The following POU2AF1 variants were observed in gnomAD, a reference collection of about 807,000 sequenced individuals.
POU2AF1 encodes POU domain class 2-associating factor 1.
A neutral mutation model predicts 26.3 loss-of-function variants in POU2AF1; 12 were observed. The ratio of observed to expected loss-of-function variants is 0.46; its 90% confidence interval spans 0.29 to 0.74. The LOEUF (loss-of-function observed/expected upper bound fraction) is 0.74. POU2AF1 is among the 30% of genes least tolerant of loss of function. The pLI is 0.09. For missense variants in POU2AF1, 297 were observed against 334.5 expected, an observed-to-expected ratio of 0.89 and a Z score of 0.87; for synonymous variants, 175 against 148.0, an observed-to-expected ratio of 1.18 and a Z score of -1.32.
At chr11:111,370,612 C>T (rs1172148530) in intron 1 of POU2AF1, among the ~76,000 whole-genome samples, 1 of 152,130 alleles carries the variant, frequency 6.6e-6, no homozygotes, top group Non-Finnish European at 1.5e-5. Context: ...CAGATAGCCC[C>T]CCAAAACCGC....
rs780640901 is a variant in POU2AF1, at chr11:111,357,622, C to T, written c.279G>A (p.Pro93=). ...ATGGGGCCAGGGGCTGCAGGGTGGC[C>T]GGGGTGGGCTGGGAGAGCCAGCCGG... is the stretch of plus-strand genomic sequence containing the variant. The part of the protein sequence containing the change: ...LCAGWLSQPT[P]ATLQPLAPWT... The change falls in exon 4 of 5, where the codon CCG becomes CCA. Residue 93 remains proline, a synonymous_variant. Transcript: ENST00000393067. 9.9e-6 allele frequency: 16 copies of T among 1,613,878 alleles called. No individual in the cohort carries two copies. The highest frequency in any genetic ancestry group is 1.7e-4 in the Middle Eastern group (1 of 6,058).
At chr11:111,365,855 C>G (rs1044390367) in intron 1 of POU2AF1, among the ~76,000 whole-genome samples, 8 of 86,700 alleles carry the variant, frequency 9.2e-5, no homozygotes, top group Non-Finnish European at 2.1e-4. Flanking sequence ...GAAACTCCAT[C>G]TCAAAAAAAA....
In POU2AF1 at chr11:111,358,791, C is replaced by T. The variant is rs779921078; in HGVS notation, c.144G>A (p.Thr48=). 6.2e-5 allele frequency: 99 copies of T among 1,590,984 alleles called. No individual in the cohort carries two copies. The highest frequency in any genetic ancestry group is 7.0e-5 in the Non-Finnish European group (82 of 1,172,508). ...HASSGAAPAP[T]AVVLPHQPLA... is the part of the protein sequence containing the mutation. ...TCTCACACACACAAACTCTCACCGC[C>T]GTAGGTGCAGGTGCTGCCCCACTGC... The change falls in exon 2 of 5, where the codon ACG becomes ACA. Residue 48 remains threonine (T), a synonymous_variant. Coordinates refer to ENST00000393067, the MANE Select transcript of POU2AF1 (RefSeq NM_006235.3).
intron 1 of POU2AF1, chr11:111,363,831 A>T: frequency 1.0e-6 from 1 of 985,322 alleles, no homozygotes; most frequent in South Asian, 4.7e-5. Flanking sequence ...AAGCTTTCTC[A>T]CCATTAATCC....
chr11:111,375,556 C>A (rs571720871), intron 1 of POU2AF1, among the ~76,000 whole-genome samples: 28 of 152,002 alleles, frequency 1.8e-4, no homozygotes, highest in Non-Finnish European at 3.5e-4. Context: ...GCCACCACAA[C>A]CCCAGCTAAT....
At chr11:111,367,560 C>G (rs191993958) in intron 1 of POU2AF1, among the ~76,000 whole-genome samples, 1 of 152,314 alleles carries the variant, frequency 6.6e-6, no homozygotes, top group East Asian at 1.9e-4. Context: ...TTCTGCCTCA[C>G]TGCCTGCCTT....
chr11:111,358,399 CACAT>C (rs1265522979), intron 2 of POU2AF1, among the ~76,000 whole-genome samples: 80 of 42,688 alleles, frequency 1.9e-3, no homozygotes, highest in African/African-American at 4.0e-3. Context: ...CTCCCTCACA[CACAT>C]ACTCTCTCAC....
rs1860789053 is a variant in POU2AF1 at position 111,353,993 on chromosome 11, GGGAA to G, written c.*264_*267del. On this transcript the variant is annotated 3_prime_UTR_variant, in exon 5 of 5. Coordinates refer to ENST00000393067, the MANE Select transcript of POU2AF1 (RefSeq NM_006235.3). The stretch of plus-strand genomic sequence containing the variant: ...GGGTTGGAAAGGGAGAAGGGAAGGA[GGGAA>G]GGAAGGGAGGGAGGAAAAGGAAGGA... 1 of 419,416 alleles carries G rather than the reference GGGAA, an allele frequency of 2.4e-6. No individual in the cohort carries two copies. The highest frequency in any genetic ancestry group is 4.2e-6 in the Non-Finnish European group (1 of 239,320). The allele number at this position is 419,416 out of a possible 1,614,324, so 26.0% of individuals were successfully genotyped here.
chr11:111,368,633 GA>G (rs1368155894), intron 1 of POU2AF1, among the ~76,000 whole-genome samples: 2 of 152,180 alleles, frequency 1.3e-5, no homozygotes, highest in African/African-American at 4.8e-5. Context: ...ACTGGGAGAG[GA>G]AGAAGGACCC....
intron 1 of POU2AF1, among the ~76,000 whole-genome samples, chr11:111,360,859 GCTT>G (rs1215414724): frequency 4.6e-5 from 7 of 151,552 alleles, no homozygotes; most frequent in Non-Finnish European, 7.4e-5. Flanking sequence ...CAGGGGAATG[GCTT>G]GAACCTGGGA....
intron 1 of POU2AF1, among the ~76,000 whole-genome samples, chr11:111,361,466 A>G (rs1861006897): frequency 6.6e-6 from 1 of 152,236 alleles, no homozygotes; most frequent in African/African-American, 2.4e-5. Context: ...TCATTTGTAA[A>G]ACGGGAATAA....
At position 111,358,350 on chromosome 11, in the gene POU2AF1, A is replaced by G. The variant is rs35370519; in HGVS notation, c.147+438T>C. ...CTCTCACACACTCTCACACTCTCAC[A>G]CTCACACTCTCACACACTCACACAC... On this transcript the variant is annotated intron_variant, in intron 2 of 4. Coordinates refer to ENST00000393067, the MANE Select transcript of POU2AF1 (RefSeq NM_006235.3). 7.5e-4 allele frequency among the ~76,000 whole-genome samples: 24 copies of G among 31,956 alleles called. No individual in the cohort carries two copies. The Admixed American group carries it at 8.0e-3, about 11-fold the overall frequency. The allele number at this position is 31,956 out of a possible 152,430, so 21.0% of individuals were successfully genotyped here.
chr11:111,358,306 ACTCT>A (rs757459978), intron 2 of POU2AF1, among the ~76,000 whole-genome samples: 12 of 147,286 alleles, frequency 8.1e-5, no homozygotes, highest in African/African-American at 2.6e-4. Context: ...AAACACACAC[ACTCT>A]CTCACACACG....
rs1423950379 is a variant in POU2AF1, at chr11:111,357,514, G to T, written c.387C>A (p.Pro129=). 2 of 1,614,004 alleles carry T rather than the reference G, an allele frequency of 1.2e-6. No individual in the cohort carries two copies. The highest frequency in any genetic ancestry group is 3.3e-5 in the Admixed American group (2 of 60,006). The change falls in exon 4 of 5, where the codon CCC becomes CCA. Residue 129 remains proline (P), a synonymous_variant. Transcript: ENST00000393067. The part of the protein sequence containing the change: ...SADMYVQPVC[P]SYTVVGPSSV... ...AGGAGGGCCCCACCACCGTGTAGCT[G>T]GGGCACACGGGCTGCACATACATGT...
At chr11:111,368,782 C>A (rs1861154128) in intron 1 of POU2AF1, among the ~76,000 whole-genome samples, 1 of 152,180 alleles carries the variant, frequency 6.6e-6, no homozygotes, top group South Asian at 2.1e-4. Flanking sequence ...GCCTCAGTTT[C>A]CCCATCTGCA....
intron 1 of POU2AF1, among the ~76,000 whole-genome samples, chr11:111,368,012 G>A (rs1181006521): frequency 6.6e-6 from 1 of 152,190 alleles, no homozygotes; most frequent in Non-Finnish European, 1.5e-5. Context: ...AGCATTCACT[G>A]AACAAGTACT....
intron 1 of POU2AF1, chr11:111,363,069 C>T: frequency 5.5e-6 from 5 of 911,002 alleles, no homozygotes; most frequent in Non-Finnish European, 6.6e-6. Flanking sequence ...GGTGGAGGTG[C>T]TGTGGACAGA....
At chr11:111,360,575 C>T (rs11213855) in intron 1 of POU2AF1, among the ~76,000 whole-genome samples, 77,995 of 151,982 alleles carry the variant, frequency 0.51, 21,605 homozygotes, top group Admixed American at 0.63. Context: ...CTCCAAGGTC[C>T]CTCAGCTGGC....
At position 111,352,682 on chromosome 11, in the gene POU2AF1, T is replaced by A. The variant is rs1197417972; in HGVS notation, c.*1579A>T. The A allele has an allele frequency of 5.8e-6, 1 of 172,356 alleles. No individual in the cohort carries two copies. The highest frequency in any genetic ancestry group is 1.3e-5 in the Non-Finnish European group (1 of 79,726). The allele number at this position is 172,356 out of a possible 1,614,324, so 10.7% of individuals were successfully genotyped here. On this transcript the variant is annotated 3_prime_UTR_variant, in exon 5 of 5. Transcript: ENST00000393067. ...TGGGTGCGGTGGCTCACGCCTGTGA[T>A]CCCAGCACTCTGAGAGGCTGAGGCG... is the stretch of plus-strand genomic sequence containing the variant.
Sources: allele counts gnomAD v4.1 joint callset (sites outside exome capture counted in the v4.1 genomes callset), GRCh38; gene constraint gnomAD v4.1.1; transcripts MANE v1.5; gene names NCBI Gene and HGNC (gene_info 2026-07-23, HGNC 2026-07-21).